Variants in PLA2G4F observed in about 807,000 individuals in gnomAD.
PLA2G4F encodes cytosolic phospholipase A2 zeta.
In PLA2G4F, 105 loss-of-function variants were observed where a neutral mutation model predicts 103.1. The observed-to-expected ratio is 1.02, with a 90% CI of 0.87 to 1.20. The LOEUF is 1.20. Ranked by LOEUF, PLA2G4F falls within the 50% of genes most tolerant of loss-of-function variation. PLA2G4F has a pLI of 0.00. For missense variants in PLA2G4F, 1,155 were observed against 1,075.9 expected, an observed-to-expected ratio of 1.07 and a Z score of -1.03; for synonymous variants, 468 against 441.1, an observed-to-expected ratio of 1.06 and a Z score of -0.76.
In PLA2G4F at chr15:42,141,705, C is replaced by T. The variant is rs899626198; in HGVS notation, c.*279G>A. The T allele has an allele frequency of 1.9e-5, 11 of 564,256 alleles. No individual in the cohort carries two copies. The highest frequency in any genetic ancestry group is 1.4e-4 in the South Asian group (9 of 65,072). The allele number at this position is 564,256 out of a possible 1,614,324, so 35.0% of individuals were successfully genotyped here. On this transcript the variant is annotated 3_prime_UTR_variant, in exon 20 of 20. Coordinates refer to ENST00000397272, the MANE Select transcript of PLA2G4F (RefSeq NM_213600.4). ...TGTGGCTCACCTGATTCTCTCCACACCCCGCTGTGAAATGAGTGCTGTTCT... is the reference window on the plus strand; with the variant it reads ...TGTGGCTCACCTGATTCTCTCCACATCCCGCTGTGAAATGAGTGCTGTTCT...
chr15:42,149,950 G>A, intron 10 of PLA2G4F, 102 bp from the exon 11 acceptor site: 3 of 1,529,076 alleles, frequency 2.0e-6, no homozygotes, highest in Non-Finnish European at 2.7e-6. Flanking sequence ...GCAGGTCCAA[G>A]GGATCCGCCC....
intron 19 of PLA2G4F, 22 bp from the exon 20 acceptor site, chr15:42,142,226 G>C (rs751026063): frequency 6.3e-7 from 1 of 1,592,420 alleles, no homozygotes; most frequent in South Asian, 1.1e-5. Flanking sequence ...GGAAGCAGAG[G>C]AGAGGCCAGG....
In PLA2G4F at chr15:42,147,317, G is replaced by T. The variant is rs755185141; in HGVS notation, c.1226C>A (p.Ala409Asp). The change falls in exon 13 of 20, where the codon GCC becomes GAC. Residue 409 changes from alanine to aspartate, a missense_variant. Coordinates refer to ENST00000397272, the MANE Select transcript of PLA2G4F (RefSeq NM_213600.4). Reference protein sequence around the residue: ...WCISTLYRDPAWSQVALQGPI... With the variant: ...WCISTLYRDPDWSQVALQGPI... ...GCCCTGCAAGGCCACCTGGGACCAGGCTGGGTCCCTGTAGAGTGTGGAGAT... is the reference window on the plus strand; with the variant it reads ...GCCCTGCAAGGCCACCTGGGACCAGTCTGGGTCCCTGTAGAGTGTGGAGAT... 1 of 1,609,096 alleles carries T rather than the reference G, an allele frequency of 6.2e-7. No homozygotes were observed. The highest frequency in any genetic ancestry group is 8.5e-7 in the Non-Finnish European group (1 of 1,179,950).
Position 42,145,618 on chromosome 15 carries a change from G to GC in PLA2G4F, c.1736dup (p.Leu580ProfsTer58), listed in dbSNP as rs1463541390. 3 of 1,613,986 alleles carry GC rather than the reference G, an allele frequency of 1.9e-6. No homozygotes were observed. The South Asian group carries it at 3.3e-5, about 18-fold the overall frequency. On this transcript the variant is annotated frameshift_variant, in exon 16 of 20. Coordinates refer to ENST00000397272, the MANE Select transcript of PLA2G4F (RefSeq NM_213600.4). LOFTEE classifies it high-confidence loss of function. ...CTCTGTACCACTCCAGGAAGCTGAG[G>GC]CCCGAGCCGGCGGTCTTTAGGAAGA... is the stretch of plus-strand genomic sequence containing the variant.
rs2048828738 is a variant in PLA2G4F at position 42,141,806 on chromosome 15, T to G, written c.*178A>C. The G allele has an allele frequency of 1.5e-6, 1 of 650,842 alleles. No homozygotes were observed. The highest frequency in any genetic ancestry group is 1.8e-5 in the African/African-American group (1 of 55,098). The allele number at this position is 650,842 out of a possible 1,614,324, so 40.3% of individuals were successfully genotyped here. Reference sequence around the variant, plus strand: ...CTCCAAAAACACACAAGGAGAGCCCTGCCCCAGTCCAAGCTGCAATTCTGC... The same window carrying G: ...CTCCAAAAACACACAAGGAGAGCCCGGCCCCAGTCCAAGCTGCAATTCTGC... On this transcript the variant is annotated 3_prime_UTR_variant, in exon 20 of 20. Coordinates refer to ENST00000397272, the MANE Select transcript of PLA2G4F (RefSeq NM_213600.4).
At position 42,153,625 on chromosome 15, in the gene PLA2G4F, C is replaced by T. The variant is rs999723628; in HGVS notation, c.486G>A (p.Glu162=). 6.2e-7 allele frequency: 1 copy of T among 1,614,210 alleles called. No homozygotes were observed. The highest frequency in any genetic ancestry group is 8.5e-7 in the Non-Finnish European group (1 of 1,180,042). ...TTGGCTCTACCAGAACTCACCTCTT[C>T]TCCAGAACAAATTCCACCTGCAGCT... is the stretch of plus-strand genomic sequence containing the variant. ...SQELQVEFVL[E]KSQVPASEVI... is the part of the protein sequence containing the mutation. The change falls in exon 5 of 20, where the codon GAG becomes GAA. Residue 162 remains glutamate (E), a synonymous_variant. Coordinates refer to ENST00000397272, the MANE Select transcript of PLA2G4F (RefSeq NM_213600.4).
chr15:42,150,922 A>G, intron 7 of PLA2G4F, 145 bp from the exon 8 acceptor site: 2 of 1,452,106 alleles, frequency 1.4e-6, no homozygotes. Context: ...TCTCTTGAGC[A>G]CTGCTCATAG....
chr15:42,145,903 T>TC lies in PLA2G4F; in HGVS notation c.1535-1dup (p.Glu512GlyfsTer9). The TC allele has an allele frequency of 6.2e-7, 1 of 1,613,746 alleles. No homozygotes were observed. ...CTCATAGGGCGTGAACTCGCACCACTCTAGGGGCCCGAGTGAAGGGAAAGT... is the reference window on the plus strand; with the variant it reads ...CTCATAGGGCGTGAACTCGCACCACTCCTAGGGGCCCGAGTGAAGGGAAAGT... On this transcript the variant is annotated frameshift_variant and splice_region_variant. Transcript: ENST00000397272. LOFTEE classifies it high-confidence loss of function.
In PLA2G4F at chr15:42,146,255, A is replaced by G; in HGVS notation, c.1420-14T>C. On this transcript the variant is annotated splice_polypyrimidine_tract_variant and intron_variant, in intron 13 of 19. Transcript: ENST00000397272. ...GGCAGGGTTCTCCTGGGCAGGAAAG[A>G]AGGGAGGCAGCTTGGCCTTTCAGGA... 2 of 1,612,494 alleles carry G rather than the reference A, an allele frequency of 1.2e-6. No individual in the cohort carries two copies. The highest frequency in any genetic ancestry group is 1.7e-6 in the Non-Finnish European group (2 of 1,178,628).
In PLA2G4F at chr15:42,140,850, G is replaced by A. The variant is rs925601942; in HGVS notation, c.*1134C>T. On this transcript the variant is annotated 3_prime_UTR_variant, in exon 20 of 20. Transcript: ENST00000397272. The stretch of plus-strand genomic sequence containing the variant: ...AAGTGCTGCTGCAGGCTCCTAGGCA[G>A]CTCAGCACTGGAGGCATATGCTGCA... The A allele has an allele frequency of 4.8e-6, 1 of 210,012 alleles. No homozygotes were observed. Among genetic ancestry groups the A allele is most frequent in the Non-Finnish European group, 9.9e-6 (1 of 101,258 alleles). The allele number at this position is 210,012 out of a possible 1,614,324, so 13.0% of individuals were successfully genotyped here. A position where few individuals can be genotyped will look rare whatever the true frequency, so the allele number is the denominator to read the frequency against.
Position 42,144,564 on chromosome 15 carries a change from C to G in PLA2G4F, c.1861G>C (p.Ala621Pro), listed in dbSNP as rs150211578. The G allele has an allele frequency of 3.3e-5, 54 of 1,613,090 alleles. No homozygotes were observed. Among genetic ancestry groups the G allele is most frequent in the Non-Finnish European group, 4.2e-5 (49 of 1,179,944 alleles). The change falls in exon 17 of 20, where the codon GCT (alanine) becomes CCT (proline). Residue 621 changes from alanine to proline, a missense_variant. Transcript: ENST00000397272. ...CGGGAGGTGAATATGTCCAGCACAG[C>G]CTGGGAGAAGGGCCCCTGTGGGGTG... ...LLTPQGPFSQAVLDIFTSRFT... is the reference protein window; with the variant it reads ...LLTPQGPFSQPVLDIFTSRFT...
rs2048944670 is a variant in PLA2G4F, at chr15:42,150,418, A to T, written c.840T>A (p.Ser280=). The change falls in exon 9 of 20, where the codon TCT becomes TCA. Residue 280 remains serine (S), a synonymous_variant. Coordinates refer to ENST00000397272, the MANE Select transcript of PLA2G4F (RefSeq NM_213600.4). ...ACTGTTCCTCCTGGCCTAGGGGCAG[A>T]GAGGAGAGCAGGATGCCCCCCTCGC... ...KLGEGGILLS[S]LPLGQEEQCS... 2 of 1,613,164 alleles carry T rather than the reference A, an allele frequency of 1.2e-6. No homozygotes were observed. The highest frequency in any genetic ancestry group is 1.7e-5 in the Admixed American group (1 of 59,924).
chr15:42,144,101 C>T lies in PLA2G4F; in HGVS notation c.2019G>A (p.Arg673=), dbSNP rs866580207. ...DAFPNQLTPM[R]DCLYLVDGGF... is the part of the protein sequence containing the mutation. ...CTCCGTCCACCAGGTACAGGCAGTCCCGCATGGGGGTGAGCTGGTTGGGGA... is the reference window on the plus strand; with the variant it reads ...CTCCGTCCACCAGGTACAGGCAGTCTCGCATGGGGGTGAGCTGGTTGGGGA... Residue 673 remains arginine (R), a synonymous_variant, in exon 18 of 20, where the codon CGG becomes CGA. Transcript: ENST00000397272. 6.2e-7 allele frequency: 1 copy of T among 1,613,862 alleles called. No homozygotes were observed. Among genetic ancestry groups the T allele is most frequent in the Non-Finnish European group, 8.5e-7 (1 of 1,179,920 alleles).
chr15:42,144,279 C>T (rs1856862469), intron 17 of PLA2G4F, 135 bp from the exon 18 acceptor site: 11 of 1,396,356 alleles, frequency 7.9e-6, no homozygotes, highest in Middle Eastern at 2.6e-4. Flanking sequence ...TGCCCCAAGC[C>T]CTTGGCCCTG....
chr15:42,147,309 G>A lies in PLA2G4F; in HGVS notation c.1234C>T (p.Gln412Ter). 6.2e-7 allele frequency: 1 copy of A among 1,609,836 alleles called. No homozygotes were observed. Residue 412 changes from glutamine (Q) to a stop codon, truncating the protein, a stop_gained, in exon 13 of 20, where the codon CAG becomes TAG. Transcript: ENST00000397272. LOFTEE classifies it high-confidence loss of function. Reference sequence around the variant, plus strand: ...TCAATGGGGCCCTGCAAGGCCACCTGGGACCAGGCTGGGTCCCTGTAGAGT... The same window carrying A: ...TCAATGGGGCCCTGCAAGGCCACCTAGGACCAGGCTGGGTCCCTGTAGAGT... ...STLYRDPAWS[Q>*]VALQGPIERA...
chr15:42,152,412 T>C (rs2620386), intron 7 of PLA2G4F, among the ~76,000 whole-genome samples: 32,820 of 152,178 alleles, frequency 0.22, 6,799 homozygotes, highest in African/African-American at 0.51. Flanking sequence ...CCCAGCTGAC[T>C]GCCAGTTGTG....
chr15:42,145,878 C>G lies in PLA2G4F; in HGVS notation c.1560G>C (p.Glu520Asp). 2 of 1,614,090 alleles carry G rather than the reference C, an allele frequency of 1.2e-6. No individual in the cohort carries two copies. Among genetic ancestry groups the G allele is most frequent in the African/African-American group, 1.3e-5 (1 of 75,068 alleles). ...AAGCCCCGTACTTGGGGAAGCCAACCTCATAGGGCGTGAACTCGCACCACT... is the reference window on the plus strand; with the variant it reads ...AAGCCCCGTACTTGGGGAAGCCAACGTCATAGGGCGTGAACTCGCACCACT... ...FAEWCEFTPY[E>D]VGFPKYGAYV... is the part of the protein sequence containing the mutation. The change falls in exon 15 of 20, where the codon GAG (glutamate) becomes GAC (aspartate). Residue 520 changes from glutamate (E) to aspartate (D), a missense_variant. By Grantham distance (45) the Glu-to-Asp change is conservative. Around this residue, in one of 3 missense-constraint regions of PLA2G4F, gnomAD observed 782 missense variants for 692.9 expected, o/e 1.13. Coordinates refer to ENST00000397272, the MANE Select transcript of PLA2G4F (RefSeq NM_213600.4).
At chr15:42,155,452 T>C (rs2049006662) in intron 2 of PLA2G4F, 65 bp downstream of exon 2, 2 of 1,540,826 alleles carry the variant, frequency 1.3e-6, no homozygotes, top group Admixed American at 3.4e-5. Context: ...TTAGCCAGCC[T>C]GAGCTGAGCT....
chr15:42,144,650 CAG>C lies in PLA2G4F; in HGVS notation c.1781-8_1781-7del. 1 of 1,583,298 alleles carries C rather than the reference CAG, an allele frequency of 6.3e-7. No individual in the cohort carries two copies. Among genetic ancestry groups the C allele is most frequent in the Non-Finnish European group, 8.6e-7 (1 of 1,164,356 alleles). ...CTGAGGCTTCTGGCAGTCGTCTAGA[CAG>C]GGGCGGGACAGTGAAATAGAGGGGA... On this transcript the variant is annotated splice_polypyrimidine_tract_variant and splice_region_variant and intron_variant, in intron 16 of 19. Coordinates refer to ENST00000397272, the MANE Select transcript of PLA2G4F (RefSeq NM_213600.4).
Sources: gnomAD v4.1 joint callset for allele counts (sites outside exome capture counted in the v4.1 genomes callset) on GRCh38, gnomAD v4.1.1 for gene constraint, gnomAD v4.1.1 regional missense constraint, MANE v1.5 for transcripts, NCBI Gene and HGNC (gene_info 2026-07-23, HGNC 2026-07-21) for gene names.